The following PARD3B variants were observed in gnomAD, a reference collection of about 807,000 sequenced individuals.
The protein encoded by PARD3B is par-3 family cell polarity regulator beta, also known as partitioning defective 3 homolog B.
Under a neutral mutation model 130.2 loss-of-function variants are expected in PARD3B, and 103 were observed. The observed-to-expected ratio is 0.79, with a 90% CI of 0.67 to 0.93. PARD3B has a LOEUF of 0.93. Among genes scored for constraint, PARD3B ranks in the 40% least tolerant of loss-of-function variants. The pLI is 0.00. For synonymous variants in PARD3B, 583 were observed against 553.2 expected (o/e 1.05, Z -0.76); for missense variants, 1,609 against 1,499.2 (o/e 1.07, Z -1.21).
chr2:205,576,339 G>A (rs187883908), intron 22 of PARD3B, among the ~76,000 whole-genome samples: 5 of 145,044 alleles, frequency 3.4e-5, no homozygotes, highest in East Asian at 2.1e-4. Flanking sequence ...TTCATGGATT[G>A]TGACTTTGAT....
intron 20 of PARD3B, among the ~76,000 whole-genome samples, chr2:205,498,891 T>C (rs2050047123): frequency 6.6e-6 from 1 of 152,180 alleles, no homozygotes; most frequent in Admixed American, 6.5e-5. Flanking sequence ...CATGCAAATC[T>C]CTGTAAGAGC....
At chr2:205,315,369 T>G (rs1027274414) in intron 18 of PARD3B, among the ~76,000 whole-genome samples, 1 of 152,186 alleles carries the variant, frequency 6.6e-6, no homozygotes, top group Admixed American at 6.5e-5. Context: ...GTCTGGCACA[T>G]AGCAAGTTCT....
chr2:205,402,741 T>A (rs1436880947), intron 19 of PARD3B, among the ~76,000 whole-genome samples: 1 of 152,316 alleles, frequency 6.6e-6, no homozygotes, highest in East Asian at 1.9e-4. Flanking sequence ...TCTTAAAATA[T>A]GTCTGGTCAA....
rs1324451988 is a variant in PARD3B at position 205,590,809 on chromosome 2, A to G, written c.3261-24647A>G. ...AGTAGGATGAGTACCAAATCCCTAA[A>G]AAATGTTCTGTCAAACCAGTACACC... On this transcript the variant is annotated intron_variant, in intron 22 of 22. Transcript: ENST00000406610. This position sits in a 1 kb window ranked among gnomAD's most constrained non-coding sequence, Gnocchi z 4.1. 1.3e-5 allele frequency among the ~76,000 whole-genome samples: 2 copies of G among 152,090 alleles called. No individual in the cohort carries two copies. The highest frequency in any genetic ancestry group is 2.9e-5 in the Non-Finnish European group (2 of 68,020).
rs867323755 is a variant in PARD3B at position 205,236,738 on chromosome 2, T to C, written c.2141-9040T>C. 4.6e-5 allele frequency among the ~76,000 whole-genome samples: 7 copies of C among 152,110 alleles called. No homozygotes were observed. The South Asian group carries it at 6.2e-4, about 14-fold the overall frequency. ...GATCAATGGACACATATTAACAGAC[T>C]AAAACAGAAAAAGCATAACCATATG... On this transcript the variant is annotated intron_variant, in intron 15 of 22. Coordinates refer to ENST00000406610, the MANE Select transcript of PARD3B (RefSeq NM_001302769.2).
chr2:204,695,255 T>A (rs2037555339), intron 2 of PARD3B, among the ~76,000 whole-genome samples: 1 of 152,026 alleles, frequency 6.6e-6, no homozygotes. Context: ...ATGGGACCAT[T>A]ATTTTTTTTT....
chr2:204,623,125 A>AT lies in PARD3B; in HGVS notation c.121-63051dup. Among the ~76,000 whole-genome samples the AT allele has an allele frequency of 6.6e-6, 1 of 152,098 alleles. No individual in the cohort carries two copies. The highest frequency in any genetic ancestry group is 1.5e-5 in the Non-Finnish European group (1 of 67,990). ...TTTTTGGCTGTATCCTTAGCCAGCA[A>AT]TTTTTATTTTTTAAAACTCTTTGTT... On this transcript the variant is annotated intron_variant, in intron 1 of 22. Coordinates refer to ENST00000406610, the MANE Select transcript of PARD3B (RefSeq NM_001302769.2). This position sits in a 1 kb window ranked among gnomAD's most constrained non-coding sequence, Gnocchi z 4.5.
At chr2:205,504,922 T>C (rs1285571720) in intron 21 of PARD3B, among the ~76,000 whole-genome samples, 1 of 152,198 alleles carries the variant, frequency 6.6e-6, no homozygotes, top group African/African-American at 2.4e-5. Flanking sequence ...ATCATGCTGC[T>C]ATAAAGACAC....
chr2:205,367,213 T>C (rs1411931934), intron 18 of PARD3B, among the ~76,000 whole-genome samples: 1 of 152,070 alleles, frequency 6.6e-6, no homozygotes, highest in Non-Finnish European at 1.5e-5. Flanking sequence ...GGACATACAA[T>C]CTCCAAAATT....
intron 2 of PARD3B, among the ~76,000 whole-genome samples, chr2:204,803,161 AAAATAT>A (rs2042637923): frequency 8.3e-6 from 1 of 120,040 alleles, no homozygotes. Flanking sequence ...AAAAAAAAAA[AAAATAT>A]ATATATATAT....
intron 16 of PARD3B, among the ~76,000 whole-genome samples, chr2:205,271,884 G>C (rs1232688825): frequency 6.6e-6 from 1 of 152,154 alleles, no homozygotes; most frequent in Non-Finnish European, 1.5e-5. Context: ...TCGGCTGGGT[G>C]CGGTGGCTCC....
At chr2:204,562,164 A>G (rs78612298) in intron 1 of PARD3B, among the ~76,000 whole-genome samples, 7,588 of 152,120 alleles carry the variant, frequency 0.05, 289 homozygotes, top group South Asian at 0.16. Context: ...TCTAAATTCT[A>G]TTTTGTTTCA....
intron 2 of PARD3B, among the ~76,000 whole-genome samples, chr2:204,958,288 C>G (rs1690443333): frequency 6.6e-6 from 1 of 152,186 alleles, no homozygotes; most frequent in African/African-American, 2.4e-5. Flanking sequence ...TTGAGAGACT[C>G]TGCAATAAAT....
chr2:204,893,625 A>C (rs2046530613), intron 2 of PARD3B, among the ~76,000 whole-genome samples: 4 of 152,228 alleles, frequency 2.6e-5, no homozygotes, highest in Non-Finnish European at 5.9e-5. Context: ...TAGTTTATTT[A>C]ACTCAGTATA....
intron 18 of PARD3B, among the ~76,000 whole-genome samples, chr2:205,362,901 C>G (rs969892327): frequency 6.6e-6 from 1 of 152,134 alleles, no homozygotes; most frequent in African/African-American, 2.4e-5. Flanking sequence ...TCAGAAAATG[C>G]TATAATTCCC....
chr2:205,488,194 T>C (rs1251879023), intron 20 of PARD3B, among the ~76,000 whole-genome samples: 1 of 152,024 alleles, frequency 6.6e-6, no homozygotes, highest in African/African-American at 2.4e-5. Flanking sequence ...GGAAACACTT[T>C]AGGACAGTGG....
chr2:204,604,524 T>C (rs1179474577), intron 1 of PARD3B, among the ~76,000 whole-genome samples: 2 of 152,178 alleles, frequency 1.3e-5, no homozygotes, highest in African/African-American at 2.4e-5. Flanking sequence ...AACTGTTTCC[T>C]GAAACACGCT....
intron 2 of PARD3B, among the ~76,000 whole-genome samples, chr2:204,805,445 G>A (rs934099456): frequency 3.9e-5 from 6 of 151,990 alleles, no homozygotes; most frequent in Non-Finnish European, 7.4e-5. Context: ...GCAAAGAAAA[G>A]CCTGGGACCT....
intron 11 of PARD3B, among the ~76,000 whole-genome samples, chr2:205,167,722 G>A (rs540425683): frequency 2.6e-5 from 4 of 152,290 alleles, no homozygotes; most frequent in Admixed American, 6.5e-5. Context: ...TAGAAGCAAC[G>A]TAGCATAAAG....
Sources: gnomAD v4.1 joint callset for allele counts (sites outside exome capture counted in the v4.1 genomes callset) on GRCh38, gnomAD v4.1.1 for gene constraint, Gnocchi (gnomAD v3.1) non-coding constraint, MANE v1.5 for transcripts, NCBI Gene and HGNC (gene_info 2026-07-23, HGNC 2026-07-21) for gene names.